Variants in ESYT3 observed in about 807,000 individuals in gnomAD.
The protein encoded by ESYT3 is extended synaptotagmin-3.
ESYT3 carries 101 observed loss-of-function variants against 111.5 expected under a neutral mutation model. The observed-to-expected ratio is 0.91, with a 90% confidence interval of 0.77 to 1.07. The LOEUF (loss-of-function observed/expected upper bound fraction) is 1.07, where lower values mean the gene tolerates loss of function less well. Among genes scored for constraint, ESYT3 ranks in the 50% least tolerant of loss-of-function variants. The pLI, the probability that ESYT3 is intolerant of heterozygous loss-of-function variation, is 0.00. For synonymous variants in ESYT3, 416 were observed against 446.8 expected (o/e 0.93, Z 0.87); for missense variants, 1,097 against 1,109.4 (o/e 0.99, Z 0.16).
intron 11 of ESYT3, 108 bp downstream of exon 11, chr3:138,467,717 C>T: frequency 9.9e-7 from 1 of 1,005,210 alleles, no homozygotes; most frequent in East Asian, 2.6e-5. Context: ...TGGTCCCCCT[C>T]TGTGCTAGGC....
chr3:138,460,518 T>A (rs1313043645), intron 6 of ESYT3, 93 bp from the exon 7 acceptor site: 10 of 1,356,696 alleles, frequency 7.4e-6, no homozygotes, highest in Non-Finnish European at 1.1e-5. Context: ...GGCTGGGTTC[T>A]CCATTCACAT....
At chr3:138,462,331 C>A in intron 8 of ESYT3, 125 bp downstream of exon 8, 1 of 1,331,580 alleles carries the variant, frequency 7.5e-7, no homozygotes, top group East Asian at 2.5e-5. Flanking sequence ...AAAAATGGTA[C>A]AAACACCATC....
At position 138,434,826 on chromosome 3, in the gene ESYT3, G is replaced by T. The variant is rs377514411; in HGVS notation, c.28G>T (p.Gly10Trp). Residue 10 changes from glycine to tryptophan, a missense_variant, in exon 1 of 23, where the codon GGG becomes TGG. Transcript: ENST00000389567. MRAEEPCAP[G>W]APSALGAQRT... ...GCGAGCAGAGGAGCCCTGCGCCCCC[G>T]GGGCCCCCAGCGCCCTGGGAGCCCA... 6.3e-5 allele frequency: 98 copies of T among 1,557,948 alleles called. 2 individuals carry two copies. In the African/African-American group the frequency reaches 1.0e-3, roughly 16 times the overall value.
intron 11 of ESYT3, 34 bp from the exon 12 acceptor site, chr3:138,468,071 C>T (rs1396805648): frequency 4.4e-6 from 7 of 1,604,326 alleles, no homozygotes; most frequent in African/African-American, 1.3e-5. Flanking sequence ...TCTCCCTGGC[C>T]CTTTTCCCTG....
downstream of ESYT3, chr3:138,480,925 A>G (rs1425183996): frequency 1.3e-5 from 2 of 152,246 alleles, no homozygotes; most frequent in African/African-American, 4.8e-5. Flanking sequence ...AAGAGCCCAG[A>G]AACAGACCCA....
chr3:138,436,584 T>C (rs1230647136), intron 1 of ESYT3, among the ~76,000 whole-genome samples: 1 of 152,228 alleles, frequency 6.6e-6, no homozygotes, highest in Non-Finnish European at 1.5e-5. Context: ...CAAAGACTCT[T>C]CCTGATAAGG....
At chr3:138,464,577 AG>A (rs2108619858) in intron 9 of ESYT3, 62 bp downstream of exon 9, 1 of 1,570,100 alleles carries the variant, frequency 6.4e-7, no homozygotes, top group East Asian at 2.2e-5. Flanking sequence ...GAGGCAATCC[AG>A]GGGCAACACT....
chr3:138,444,305 C>G (rs1345111600), intron 1 of ESYT3, among the ~76,000 whole-genome samples: 6 of 152,168 alleles, frequency 3.9e-5, no homozygotes, highest in Admixed American at 3.9e-4. Flanking sequence ...ACTATTTAAA[C>G]TTCTCTGACA....
chr3:138,445,844 A>C lies in ESYT3; in HGVS notation c.328-6204A>C, dbSNP rs143519706. Among the ~76,000 whole-genome samples the C allele has an allele frequency of 2.8e-3, 420 of 152,336 alleles. 1 individual carries two copies. Among genetic ancestry groups the C allele is most frequent in the African/African-American group, 8.9e-3 (371 of 41,576 alleles). ...ATTGTACCCATCTCGCAGATGAGAA[A>C]GCTGAGGCTTAGAGAGGTGGAATTT... On this transcript the variant is annotated intron_variant, in intron 1 of 22. Coordinates refer to ENST00000389567, the MANE Select transcript of ESYT3 (RefSeq NM_031913.5).
At chr3:138,436,386 G>T (rs1288083466) in intron 1 of ESYT3, among the ~76,000 whole-genome samples, 1 of 152,112 alleles carries the variant, frequency 6.6e-6, no homozygotes, top group Non-Finnish European at 1.5e-5. Context: ...TTGGATTAAG[G>T]CTCACCCTAA....
At chr3:138,453,127 C>A (rs1165205026) in intron 2 of ESYT3, among the ~76,000 whole-genome samples, 4 of 152,204 alleles carry the variant, frequency 2.6e-5, no homozygotes, top group African/African-American at 9.6e-5. Context: ...CAGGTTGCTG[C>A]TTTAAGAGGA....
At chr3:138,448,473 A>T (rs549932536) in intron 1 of ESYT3, among the ~76,000 whole-genome samples, 19 of 149,536 alleles carry the variant, frequency 1.3e-4, no homozygotes, top group South Asian at 4.2e-4. Context: ...AAAAAGATGC[A>T]ATTTTTTTTT....
At chr3:138,480,703 AC>A (rs1011101822), downstream of ESYT3, 124 of 152,354 alleles carry the variant, frequency 8.1e-4, 1 homozygote, top group African/African-American at 2.9e-3. Context: ...GGAAAACCCA[AC>A]AAATGCCATT....
intron 17 of ESYT3, among the ~76,000 whole-genome samples, chr3:138,471,746 C>G (rs1417620930): frequency 6.6e-6 from 1 of 152,188 alleles, no homozygotes; most frequent in African/African-American, 2.4e-5. Context: ...CTCAGTACCT[C>G]AGGTGCATTA....
downstream of ESYT3, chr3:138,481,459 T>G (rs991356921): frequency 1.3e-5 from 2 of 151,912 alleles, no homozygotes; most frequent in Non-Finnish European, 2.9e-5. Context: ...CTCTGCTTCC[T>G]GGGTTCAAGT....
Position 138,434,823 on chromosome 3 carries a change from C to G in ESYT3, c.25C>G (p.Pro9Ala), listed in dbSNP as rs200152310. 2.6e-4 allele frequency: 401 copies of G among 1,559,800 alleles called. 2 individuals are homozygous for G. The African/African-American group carries it at 4.8e-3, about 19-fold the overall frequency. MRAEEPCA[P>A]GAPSALGAQR... ...GATGCGAGCAGAGGAGCCCTGCGCC[C>G]CCGGGGCCCCCAGCGCCCTGGGAGC... Residue 9 changes from proline (P) to alanine (A), a missense_variant, in exon 1 of 23, where the codon CCC becomes GCC. By Grantham distance (27) the Pro-to-Ala change is conservative. Coordinates refer to ENST00000389567, the MANE Select transcript of ESYT3 (RefSeq NM_031913.5).
chr3:138,467,730 C>A, intron 11 of ESYT3, 121 bp downstream of exon 11: 1 of 909,328 alleles, frequency 1.1e-6, no homozygotes, highest in Non-Finnish European at 1.7e-6. Context: ...TGCTAGGCTC[C>A]ATCCTCAGGG....
In ESYT3 at chr3:138,450,669, G is replaced by A. The variant is rs77605809; in HGVS notation, c.328-1379G>A. 5.5e-3 allele frequency among the ~76,000 whole-genome samples: 845 copies of A among 152,278 alleles called. 7 individuals are homozygous for A. The highest frequency in any genetic ancestry group is 0.019 in the African/African-American group (807 of 41,548). On this transcript the variant is annotated intron_variant, in intron 1 of 22. Transcript: ENST00000389567. ...AATCAAGGCTGTTAAAAACTGTTCC[G>A]GGAGAACTGAATTTCTCTGTCCCCT...
chr3:138,468,565 G>A, intron 12 of ESYT3, 90 bp from the exon 13 acceptor site: 1 of 1,335,912 alleles, frequency 7.5e-7, no homozygotes, highest in South Asian at 1.2e-5. Context: ...AGGCTAGCTG[G>A]CTTTCTTCTG....
Sources: gnomAD v4.1 joint callset for allele counts (sites outside exome capture counted in the v4.1 genomes callset) on GRCh38, gnomAD v4.1.1 for gene constraint, MANE v1.5 for transcripts, NCBI Gene and HGNC (gene_info 2026-07-23, HGNC 2026-07-21) for gene names.